The following GSE1 variants were observed in gnomAD, a reference collection of about 807,000 sequenced individuals.
GSE1 encodes genetic suppressor element 1.
Under a neutral mutation model 112.6 loss-of-function variants are expected in GSE1, and 32 were observed. The observed-to-expected ratio is 0.28, with a 90% CI of 0.21 to 0.38. GSE1 has a LOEUF of 0.38. GSE1 is among the 10% of genes least tolerant of loss of function. The pLI is 1.00. For missense variants in GSE1, 2,348 were observed against 1,699.2 expected (o/e 1.38, Z -6.71); for synonymous variants, 1,115 against 735.6 (o/e 1.52, Z -8.35).
intron 1 of GSE1, among the ~76,000 whole-genome samples, chr16:85,192,628 G>A (rs2074847056): frequency 6.6e-6 from 1 of 152,206 alleles, no homozygotes. Flanking sequence ...TTCTTATTGA[G>A]TGACCTTGCA....
At chr16:85,172,836 C>T (rs116867882) in intron 1 of GSE1, among the ~76,000 whole-genome samples, 3,340 of 152,260 alleles carry the variant, frequency 0.022, 79 homozygotes, top group South Asian at 0.089. Flanking sequence ...GTGTGGGGCA[C>T]GGAGGTGGAC....
chr16:85,653,082 G>A (rs2051511858), intron 3 of GSE1, among the ~76,000 whole-genome samples: 1 of 150,040 alleles, frequency 6.7e-6, no homozygotes, highest in Non-Finnish European at 1.5e-5. Flanking sequence ...TGGGGAAGAT[G>A]CTGGGGCTGA....
In GSE1 at chr16:85,661,233, G is replaced by A; in HGVS notation, c.1728G>A (p.Gln576=). The change falls in exon 9 of 16, where the codon CAG becomes CAA. Residue 576 remains glutamine, a synonymous_variant. Coordinates refer to ENST00000253458, the MANE Select transcript of GSE1 (RefSeq NM_014615.5). The stretch of plus-strand genomic sequence containing the variant: ...CACCTCTGATTTCGCCCAAGCCCCA[G>A]CTCCATGCTGCACCCACGGCCCTCT... The part of the protein sequence containing the change: ...GPPPLISPKP[Q]LHAAPTALWN... 1 of 1,612,642 alleles carries A rather than the reference G, an allele frequency of 6.2e-7. No homozygotes were observed. The highest frequency in any genetic ancestry group is 8.5e-7 in the Non-Finnish European group (1 of 1,179,734).
At chr16:85,496,403 G>A (rs942447953) in intron 2 of GSE1, among the ~76,000 whole-genome samples, 13 of 152,344 alleles carry the variant, frequency 8.5e-5, no homozygotes, top group Non-Finnish European at 1.3e-4. Flanking sequence ...TTCACAGAGA[G>A]CAGAGCGATA....
intron 2 of GSE1, among the ~76,000 whole-genome samples, chr16:85,522,925 T>C (rs2052236531): frequency 1.3e-5 from 2 of 152,122 alleles, no homozygotes; most frequent in South Asian, 4.1e-4. Flanking sequence ...TGTATGTATG[T>C]TGTATGTGCA....
chr16:85,654,967 A>G lies in GSE1; in HGVS notation c.773A>G (p.His258Arg), dbSNP rs2051790028. ...AYYHPSYLAP[H>R]PFPHPAFRMD... ...TACCACCCCAGCTACCTGGCCCCACACCCCTTCCCCCACCCGGCCTTCAGG... is the reference window on the plus strand; with the variant it reads ...TACCACCCCAGCTACCTGGCCCCACGCCCCTTCCCCCACCCGGCCTTCAGG... Residue 258 changes from histidine (H) to arginine (R), a missense_variant, in exon 5 of 16, where the codon CAC becomes CGC. Coordinates refer to ENST00000253458, the MANE Select transcript of GSE1 (RefSeq NM_014615.5). 6.3e-6 allele frequency: 10 copies of G among 1,598,512 alleles called. No homozygotes were observed. Among genetic ancestry groups the G allele is most frequent in the Non-Finnish European group, 6.8e-6 (8 of 1,174,336 alleles).
intron 1 of GSE1, among the ~76,000 whole-genome samples, chr16:85,575,490 G>T (rs775127437): frequency 7.3e-5 from 11 of 151,648 alleles, no homozygotes; most frequent in Non-Finnish European, 1.6e-4. Context: ...CTCCCCTCTC[G>T]TCTCCCCTCT....
chr16:85,208,897 C>T (rs144093741), intron 1 of GSE1, among the ~76,000 whole-genome samples: 113 of 100,838 alleles, frequency 1.1e-3, no homozygotes, highest in East Asian at 2.6e-4. Flanking sequence ...TGGGGTTTGC[C>T]GTGTGTTGGG....
chr16:85,355,105 A>T (rs898098114), intron 1 of GSE1, among the ~76,000 whole-genome samples: 3 of 152,220 alleles, frequency 2.0e-5, no homozygotes, highest in African/African-American at 7.2e-5. Flanking sequence ...ATTCCCGGAA[A>T]CAAACGGTAA....
At position 85,224,972 on chromosome 16, in the gene GSE1, A is replaced by G. The variant is rs1222570388; in HGVS notation, c.2283+53165A>G. On this transcript the variant is annotated intron_variant, in intron 1 of 2. Coordinates refer to the GSE1 transcript ENST00000637419. ...GTGAAACCCTGTCTGTAGTAAAAAT[A>G]CAAAACAAATTAGCTGGGCATGATG... Among the ~76,000 whole-genome samples, 7 of 152,326 alleles carry G rather than the reference A, an allele frequency of 4.6e-5. No homozygotes were observed. The East Asian group carries it at 1.4e-3, about 29-fold the overall frequency.
chr16:85,516,912 C>G (rs1431638743), intron 2 of GSE1, among the ~76,000 whole-genome samples: 2 of 152,044 alleles, frequency 1.3e-5, no homozygotes, highest in African/African-American at 4.8e-5. Flanking sequence ...ATTCTCCTGC[C>G]TCAGCCTCCC....
At chr16:85,374,813 C>T (rs1419950239) in intron 2 of GSE1, among the ~76,000 whole-genome samples, 1 of 152,156 alleles carries the variant, frequency 6.6e-6, no homozygotes, top group East Asian at 1.9e-4. Context: ...CCTTCTGCCT[C>T]ACTGAGGACG....
At chr16:85,422,370 G>GGGGT (rs1491222227) in intron 2 of GSE1, among the ~76,000 whole-genome samples, 1 of 147,418 alleles carries the variant, frequency 6.8e-6, no homozygotes, top group Non-Finnish European at 1.5e-5. Flanking sequence ...TGGGCGGGGC[G>GGGGT]GGGGGGGGTG....
intron 2 of GSE1, among the ~76,000 whole-genome samples, chr16:85,642,319 T>A (rs2050510506): frequency 6.6e-6 from 1 of 152,216 alleles, no homozygotes; most frequent in Non-Finnish European, 1.5e-5. Flanking sequence ...TCTAAAAATA[T>A]TTTGTAATTA....
At chr16:85,389,063 C>G (rs2047771981) in intron 2 of GSE1, among the ~76,000 whole-genome samples, 1 of 152,222 alleles carries the variant, frequency 6.6e-6, no homozygotes, top group African/African-American at 2.4e-5. Context: ...AAAAGGAGCT[C>G]AGGCTCTGAG....
chr16:85,462,067 C>T (rs1309375641), intron 2 of GSE1, among the ~76,000 whole-genome samples: 1 of 152,192 alleles, frequency 6.6e-6, no homozygotes, highest in African/African-American at 2.4e-5. Flanking sequence ...CGAGGCTGAG[C>T]ACACCTCCCC....
intron 1 of GSE1, among the ~76,000 whole-genome samples, chr16:85,219,308 C>T (rs1019833436): frequency 6.6e-6 from 1 of 152,212 alleles, no homozygotes; most frequent in South Asian, 2.1e-4. Context: ...GCCACCGTGC[C>T]CGGCCAAAAG....
At chr16:85,537,015 G>A (rs766782923) in intron 2 of GSE1, among the ~76,000 whole-genome samples, 1 of 152,184 alleles carries the variant, frequency 6.6e-6, no homozygotes, top group Non-Finnish European at 1.5e-5. Context: ...ACCCCGACGA[G>A]TGGGCTGGGC....
chr16:85,474,945 A>G (rs925069432), intron 2 of GSE1, among the ~76,000 whole-genome samples: 15 of 152,058 alleles, frequency 9.9e-5, no homozygotes, highest in African/African-American at 3.6e-4. Flanking sequence ...TGGCGTCTGA[A>G]TTTCACTGTA....
Sources: allele counts gnomAD v4.1 joint callset (sites outside exome capture counted in the v4.1 genomes callset), GRCh38; gene constraint gnomAD v4.1.1; transcripts MANE v1.5; gene names NCBI Gene and HGNC (gene_info 2026-07-23, HGNC 2026-07-21).